The following IL10RB variants were observed in gnomAD, a reference collection of about 807,000 sequenced individuals.
IL10RB encodes the protein interleukin-10 receptor subunit beta.
In IL10RB, 30 loss-of-function variants were observed where a neutral mutation model predicts 38.7. That is an observed-to-expected ratio of 0.78 (90% CI 0.58 to 1.05). The LOEUF (loss-of-function observed/expected upper bound fraction) is 1.05, where lower values mean the gene tolerates loss of function less well. Ranked by LOEUF, IL10RB falls within the 50% of genes least tolerant of loss-of-function variation. The probability of loss-of-function intolerance (pLI) is 0.00; values close to 1 mark genes in which losing one functional copy is unlikely to be tolerated. For synonymous variants in IL10RB, 142 were observed against 145.9 expected (o/e 0.97, Z 0.19); for missense variants, 328 against 397.1 (o/e 0.83, Z 1.48).
At chr21:33,270,462 C>G (rs1989055500) in intron 2 of IL10RB, among the ~76,000 whole-genome samples, 1 of 151,540 alleles carries the variant, frequency 6.6e-6, no homozygotes, top group Non-Finnish European at 1.5e-5. Flanking sequence ...CTCACTGCAA[C>G]CTCCGCCTCC....
chr21:33,303,164 C>T (rs904250360), intron 1 of IL10RB, among the ~76,000 whole-genome samples: 4 of 152,118 alleles, frequency 2.6e-5, no homozygotes, highest in Non-Finnish European at 5.9e-5. Flanking sequence ...CTACTCCTGG[C>T]CCTGTCCTCT....
At chr21:33,269,802 G>A (rs2123563193) in intron 2 of IL10RB, among the ~76,000 whole-genome samples, 1 of 152,158 alleles carries the variant, frequency 6.6e-6, no homozygotes, top group African/African-American at 2.4e-5. Flanking sequence ...GGGAGTACAG[G>A]CTCCCACCAC....
chr21:33,295,730 A>ATATT (rs1344422557), intron 6 of IL10RB, among the ~76,000 whole-genome samples: 2 of 151,830 alleles, frequency 1.3e-5, no homozygotes, highest in East Asian at 3.9e-4. Context: ...ACTTGTAAAA[A>ATATT]AATAAAATAA....
At chr21:33,275,178 T>TG (rs1486563668) in intron 2 of IL10RB, among the ~76,000 whole-genome samples, 1 of 140,782 alleles carries the variant, frequency 7.1e-6, no homozygotes. Flanking sequence ...TTTTTTGAGA[T>TG]GGAGTCTCGC....
At chr21:33,295,683 A>G (rs1036386639) in intron 6 of IL10RB, among the ~76,000 whole-genome samples, 3 of 151,692 alleles carry the variant, frequency 2.0e-5, no homozygotes, top group African/African-American at 7.3e-5. Context: ...AAAAAAAAAA[A>G]AAAAAAATCT....
rs55885861 is a variant in IL10RB at position 33,288,380 on chromosome 21, C to T, written c.804+119C>T. 1,028 of 626,230 alleles carry T rather than the reference C, an allele frequency of 1.6e-3. 4 individuals carry two copies. The highest frequency in any genetic ancestry group is 3.3e-3 in the Admixed American group (132 of 40,042). The allele number at this position is 626,230 out of a possible 1,614,324, so 38.8% of individuals were successfully genotyped here. ...TTCCAGGAAAACACACACGCGCGCG[C>T]GCACACACACACACACACACACACA... On this transcript the variant is annotated intron_variant, in intron 6 of 6. Coordinates refer to ENST00000290200, the MANE Select transcript of IL10RB (RefSeq NM_000628.5).
At chr21:33,293,833 A>G (rs1170533959) in intron 6 of IL10RB, among the ~76,000 whole-genome samples, 1 of 150,886 alleles carries the variant, frequency 6.6e-6, no homozygotes, top group Non-Finnish European at 1.5e-5. Context: ...TACCAAGGAG[A>G]CTGCAGCACC....
chr21:33,290,900 G>A lies in IL10RB; in HGVS notation c.804+2639G>A, dbSNP rs577852841. 8.5e-5 allele frequency among the ~76,000 whole-genome samples: 13 copies of A among 152,274 alleles called. No homozygotes were observed. In the South Asian group the frequency reaches 1.7e-3, roughly 19 times the overall value. On this transcript the variant is annotated intron_variant, in intron 6 of 6. Coordinates refer to ENST00000290200, the MANE Select transcript of IL10RB (RefSeq NM_000628.5). ...GCACTCGTTGCGCAGCTGTAACAAC[G>A]GGAATTGATTCTCTCACGGTTCTCG...
chr21:33,267,071 A>T (rs559567867), intron 1 of IL10RB, among the ~76,000 whole-genome samples: 3 of 152,100 alleles, frequency 2.0e-5, no homozygotes, highest in Non-Finnish European at 4.4e-5. Context: ...CCCCAGCTCC[A>T]TGGCTTCTAA....
intron 1 of IL10RB, chr21:33,308,154 A>C (rs1227101290): frequency 2.0e-5 from 3 of 152,214 alleles, no homozygotes; most frequent in African/African-American, 7.2e-5. Context: ...GTGCCCTCTC[A>C]GCTGATGGCT....
intron 2 of IL10RB, among the ~76,000 whole-genome samples, chr21:33,272,833 T>G (rs958017698): frequency 1.3e-5 from 2 of 152,222 alleles, no homozygotes; most frequent in Admixed American, 1.3e-4. Flanking sequence ...CGAGCTTAGA[T>G]TCAGGAGATT....
intron 4 of IL10RB, 91 bp from the exon 5 acceptor site, chr21:33,283,003 A>G: frequency 9.4e-7 from 1 of 1,060,010 alleles, no homozygotes; most frequent in South Asian, 1.3e-5. Context: ...TTTAAGTCTA[A>G]AACGGCTATT....
At position 33,296,953 on chromosome 21, in the gene IL10RB, CAA is replaced by C. The variant is rs5843596; in HGVS notation, c.*615_*616del. 65,305 of 105,712 alleles carry C rather than the reference CAA, an allele frequency of 0.62. 17,839 individuals are homozygous for C. The highest frequency in any genetic ancestry group is 0.71 in the East Asian group (2,577 of 3,610). The allele number at this position is 105,712 out of a possible 1,614,324, so 6.5% of individuals were successfully genotyped here. On this transcript the variant is annotated 3_prime_UTR_variant, in exon 7 of 7. Coordinates refer to ENST00000290200, the MANE Select transcript of IL10RB (RefSeq NM_000628.5). ...TGGGTGACAAAGTGAGACTCCATCT[CAA>C]AAAAAAAAAAAAAAAAAATTGTGAG...
At chr21:33,292,585 A>G (rs915357085) in intron 6 of IL10RB, among the ~76,000 whole-genome samples, 1 of 151,854 alleles carries the variant, frequency 6.6e-6, no homozygotes, top group East Asian at 1.9e-4. Flanking sequence ...CAGCACCATC[A>G]CCTCGCGTCC....
intron 1 of IL10RB, among the ~76,000 whole-genome samples, chr21:33,303,350 CTT>C (rs11340111): frequency 0.075 from 8,188 of 109,746 alleles, 272 homozygotes; most frequent in South Asian, 0.13. Context: ...CTGTTACTTT[CTT>C]TTTTTTTTTT....
At chr21:33,291,754 C>T (rs373803746) in intron 6 of IL10RB, among the ~76,000 whole-genome samples, 20 of 152,172 alleles carry the variant, frequency 1.3e-4, no homozygotes, top group Non-Finnish European at 2.2e-4. Flanking sequence ...CAAGAGTCGA[C>T]GTCATCAGCT....
At chr21:33,284,120 ACCC>A (rs2123585951) in intron 5 of IL10RB, among the ~76,000 whole-genome samples, 1 of 152,072 alleles carries the variant, frequency 6.6e-6, no homozygotes, top group Admixed American at 6.5e-5. Flanking sequence ...AAATGGCAAA[ACCC>A]TGTCTCTACC....
chr21:33,266,943 C>T lies in IL10RB; in HGVS notation c.49+429C>T, dbSNP rs182866232. ...GTGCCCTGACAGCCCTCCCTGACCCCAAGTCTGCCCCCTCAGTGCCAGCCC... is the reference window on the plus strand; with the variant it reads ...GTGCCCTGACAGCCCTCCCTGACCCTAAGTCTGCCCCCTCAGTGCCAGCCC... On this transcript the variant is annotated intron_variant, in intron 1 of 6. Coordinates refer to ENST00000290200, the MANE Select transcript of IL10RB (RefSeq NM_000628.5). Among the ~76,000 whole-genome samples, 8 of 152,186 alleles carry T rather than the reference C, an allele frequency of 5.3e-5. No homozygotes were observed. The East Asian group carries it at 1.5e-3, about 29-fold the overall frequency.
intron 2 of IL10RB, among the ~76,000 whole-genome samples, chr21:33,276,081 A>C (rs1341953980): frequency 6.6e-6 from 1 of 152,250 alleles, no homozygotes; most frequent in Admixed American, 6.5e-5. Flanking sequence ...GTTGCTGCAG[A>C]CCTTCGATTT....
Sources: gnomAD v4.1 joint callset for allele counts (sites outside exome capture counted in the v4.1 genomes callset) on GRCh38, gnomAD v4.1.1 for gene constraint, MANE v1.5 for transcripts, NCBI Gene and HGNC (gene_info 2026-07-23, HGNC 2026-07-21) for gene names.